RFX7: variants seen among roughly 807,000 people sequenced by gnomAD.
RFX7 encodes the protein DNA-binding protein RFX7.
Under a neutral mutation model 111.8 loss-of-function variants are expected in RFX7, and 26 were observed. The observed-to-expected ratio is 0.23, with a 90% CI of 0.17 to 0.32. RFX7 has a LOEUF of 0.32. Ranked by LOEUF, RFX7 falls within the 10% of genes least tolerant of loss-of-function variation. The pLI is 1.00. For synonymous variants in RFX7, 624 were observed against 624.4 expected (o/e 1.00, Z 0.01); for missense variants, 1,573 against 1,772.9 (o/e 0.89, Z 2.02).
chr15:56,168,057 A>C (rs2042803688), intron 3 of RFX7, among the ~76,000 whole-genome samples: 1 of 152,206 alleles, frequency 6.6e-6, no homozygotes, highest in African/African-American at 2.4e-5. Flanking sequence ...ATAGTTTTTT[A>C]AAAGTCTGGG....
chr15:56,091,852 C>T lies in RFX7; in HGVS notation c.*1493G>A, dbSNP rs2041600676. 6.6e-6 allele frequency: 1 copy of T among 152,448 alleles called. No homozygotes were observed. Among genetic ancestry groups the T allele is most frequent in the African/African-American group, 2.4e-5 (1 of 41,426 alleles). 9.4% of individuals were successfully genotyped at this position (152,448 alleles called of 1,614,324 possible). On this transcript the variant is annotated 3_prime_UTR_variant, in exon 10 of 10. Transcript: ENST00000559447. ...TATTGAACAACAAAACCTTATTAAA[C>T]CCTTCAGCACATTTGCTAAATATTC...
intron 3 of RFX7, among the ~76,000 whole-genome samples, chr15:56,166,751 G>A (rs963796812): frequency 2.6e-5 from 4 of 151,870 alleles, no homozygotes; most frequent in Non-Finnish European, 1.5e-5. Context: ...CTTGACTATG[G>A]AACTTTTTTT....
chr15:56,176,399 G>A (rs1333443687), intron 3 of RFX7, among the ~76,000 whole-genome samples: 1 of 152,110 alleles, frequency 6.6e-6, no homozygotes, highest in Non-Finnish European at 1.5e-5. Context: ...GACAGGAGAA[G>A]TGAATGAGTG....
intron 3 of RFX7, among the ~76,000 whole-genome samples, chr15:56,144,951 T>C (rs1370880313): frequency 6.6e-6 from 1 of 152,182 alleles, no homozygotes; most frequent in East Asian, 1.9e-4. Flanking sequence ...AATTTTCAAA[T>C]ATTTACAACA....
At chr15:56,116,959 G>C (rs1384984377) in intron 5 of RFX7, among the ~76,000 whole-genome samples, 4 of 152,080 alleles carry the variant, frequency 2.6e-5, no homozygotes, top group Non-Finnish European at 5.9e-5. Context: ...TCAAAAACAA[G>C]CAAAGCTAGC....
At chr15:56,217,108 T>C (rs2043370185) in intron 2 of RFX7, among the ~76,000 whole-genome samples, 1 of 152,208 alleles carries the variant, frequency 6.6e-6, no homozygotes, top group Non-Finnish European at 1.5e-5. Context: ...CATTGTCAAA[T>C]TTATTTTCTT....
chr15:56,117,960 T>C (rs2042030094), intron 5 of RFX7, among the ~76,000 whole-genome samples: 1 of 152,118 alleles, frequency 6.6e-6, no homozygotes, highest in Admixed American at 6.6e-5. Flanking sequence ...GATATACAGA[T>C]TTCTTTCCTT....
intron 3 of RFX7, among the ~76,000 whole-genome samples, chr15:56,171,954 T>C (rs1461781838): frequency 1.3e-5 from 2 of 151,990 alleles, no homozygotes; most frequent in African/African-American, 4.8e-5. Flanking sequence ...TGGACAAATA[T>C]AGACAAAATG....
At chr15:56,131,891 T>C (rs1263323328) in intron 5 of RFX7, among the ~76,000 whole-genome samples, 5 of 151,486 alleles carry the variant, frequency 3.3e-5, no homozygotes, top group Non-Finnish European at 7.4e-5. Context: ...CTAAACAAAA[T>C]CCAGTAAATA....
intron 6 of RFX7, among the ~76,000 whole-genome samples, chr15:56,103,095 T>G (rs1258875124): frequency 7.3e-5 from 11 of 151,694 alleles, no homozygotes; most frequent in Admixed American, 7.2e-4. Flanking sequence ...ATACTTGTAC[T>G]GAAAGATTAG....
At chr15:56,223,349 T>G (rs1241350811) in intron 2 of RFX7, among the ~76,000 whole-genome samples, 1 of 152,172 alleles carries the variant, frequency 6.6e-6, no homozygotes, top group East Asian at 1.9e-4. Context: ...ACTGTTTCCT[T>G]TATCCTACTA....
At chr15:56,228,778 C>T (rs1029738785) in intron 2 of RFX7, among the ~76,000 whole-genome samples, 1 of 152,080 alleles carries the variant, frequency 6.6e-6, no homozygotes, top group Non-Finnish European at 1.5e-5. Context: ...CCCTCATTCT[C>T]GAGGGATATC....
intron 2 of RFX7, among the ~76,000 whole-genome samples, chr15:56,203,927 TTACTC>T (rs1379009206): frequency 6.6e-6 from 1 of 152,198 alleles, no homozygotes; most frequent in African/African-American, 2.4e-5. Flanking sequence ...TGCTTTCACT[TTACTC>T]TATGGTCCTG....
chr15:56,141,656 A>ACTATATATATATATATAT lies in RFX7; in HGVS notation c.401+1121_401+1122insATATATATATATATATAG, dbSNP rs1555421058. Among the ~76,000 whole-genome samples, 210 of 83,072 alleles carry ACTATATATATATATATAT rather than the reference A, an allele frequency of 2.5e-3. 12 individuals are homozygous for ACTATATATATATATATAT. The highest frequency in any genetic ancestry group is 6.4e-3 in the Middle Eastern group (1 of 156). 54.5% of individuals were successfully genotyped at this position (83,072 alleles called of 152,430 possible). A position where few individuals can be genotyped will look rare whatever the true frequency, so the allele number is the denominator to read the frequency against. ...TAATGAAGAATCTATGCTTACTCTAAATATATATATATATATATATGCATA... is the reference window on the plus strand; with the variant it reads ...TAATGAAGAATCTATGCTTACTCTAACTATATATATATATATATATATATATATATATATATATGCATA... On this transcript the variant is annotated intron_variant, in intron 5 of 9. Transcript: ENST00000559447.
chr15:56,159,604 A>G (rs1459196378), intron 3 of RFX7, among the ~76,000 whole-genome samples: 1 of 152,260 alleles, frequency 6.6e-6, no homozygotes, highest in African/African-American at 2.4e-5. Flanking sequence ...AGAATAGTTC[A>G]GAAATAACTT....
At chr15:56,169,032 A>C (rs1048222078) in intron 3 of RFX7, among the ~76,000 whole-genome samples, 1 of 152,232 alleles carries the variant, frequency 6.6e-6, no homozygotes, top group African/African-American at 2.4e-5. Flanking sequence ...ATTTTCTATT[A>C]TCTGCAGATA....
intron 5 of RFX7, among the ~76,000 whole-genome samples, chr15:56,131,976 T>C (rs1294595196): frequency 6.6e-6 from 1 of 152,126 alleles, no homozygotes; most frequent in Non-Finnish European, 1.5e-5. Context: ...TTTTCATATT[T>C]ATTCATTTTT....
chr15:56,100,889 T>C (rs528887639), intron 8 of RFX7, among the ~76,000 whole-genome samples: 90 of 152,288 alleles, frequency 5.9e-4, no homozygotes, highest in African/African-American at 2.1e-3. Flanking sequence ...ACGGTTTTGT[T>C]TTTTTGAGGC....
intron 2 of RFX7, among the ~76,000 whole-genome samples, chr15:56,191,688 T>A (rs1555424706): frequency 6.6e-6 from 1 of 151,958 alleles, no homozygotes; most frequent in Non-Finnish European, 1.5e-5. Context: ...TGATTTCTTG[T>A]GGGAAAAAAA....
Sources: allele counts gnomAD v4.1 joint callset (sites outside exome capture counted in the v4.1 genomes callset), GRCh38; gene constraint gnomAD v4.1.1; transcripts MANE v1.5; gene names NCBI Gene and HGNC (gene_info 2026-07-23, HGNC 2026-07-21).